SRBD1: variants seen among roughly 807,000 people sequenced by gnomAD.
The protein encoded by SRBD1 is S1 RNA-binding domain-containing protein 1.
Under a neutral mutation model 115.3 loss-of-function variants are expected in SRBD1, and 88 were observed. The observed-to-expected ratio is 0.76, with a 90% confidence interval of 0.64 to 0.91. SRBD1 has a LOEUF of 0.91. Ranked by LOEUF, SRBD1 falls within the 40% of genes least tolerant of loss-of-function variation. The probability of loss-of-function intolerance (pLI) is 0.00; values close to 1 mark genes in which losing one functional copy is unlikely to be tolerated. For missense variants in SRBD1, 1,385 were observed against 1,177.4 expected (o/e 1.18, Z -2.58); for synonymous variants, 509 against 407.7 (o/e 1.25, Z -2.99).
chr2:45,420,751 C>G (rs184969583), intron 16 of SRBD1, among the ~76,000 whole-genome samples: 5,456 of 152,290 alleles, frequency 0.036, 316 homozygotes, highest in African/African-American at 0.13. Flanking sequence ...CTTGATAACG[C>G]AGCATTTCTT....
intron 19 of SRBD1, among the ~76,000 whole-genome samples, chr2:45,405,739 T>C (rs1667416259): frequency 1.2e-5 from 1 of 83,444 alleles, no homozygotes. Context: ...TAGTGTCAAA[T>C]GTGGCAGAAT....
chr2:45,412,804 G>A (rs948047647), intron 19 of SRBD1, among the ~76,000 whole-genome samples: 6 of 152,124 alleles, frequency 3.9e-5, no homozygotes, highest in Non-Finnish European at 5.9e-5. Context: ...CAAGTTTTAT[G>A]CCAGGTGCTA....
chr2:45,432,066 G>A (rs1462671745), intron 16 of SRBD1, among the ~76,000 whole-genome samples: 2 of 151,438 alleles, frequency 1.3e-5, no homozygotes, highest in African/African-American at 4.9e-5. Context: ...GTCTCACCCT[G>A]TCGCCCAGGC....
At chr2:45,582,705 A>T (rs1004547436) in intron 5 of SRBD1, among the ~76,000 whole-genome samples, 2 of 152,140 alleles carry the variant, frequency 1.3e-5, no homozygotes, top group African/African-American at 4.8e-5. Context: ...TTTGACATGT[A>T]TCTGTCATTC....
At chr2:45,453,736 T>C (rs1473544592) in intron 16 of SRBD1, among the ~76,000 whole-genome samples, 1 of 151,954 alleles carries the variant, frequency 6.6e-6, no homozygotes, top group Non-Finnish European at 1.5e-5. Flanking sequence ...TCACTGCAAA[T>C]CTGATGAAAA....
In SRBD1 at chr2:45,397,302, T is replaced by G. The variant is rs537349954; in HGVS notation, c.2514-4173A>C. On this transcript the variant is annotated intron_variant, in intron 19 of 20. Transcript: ENST00000263736. ...CTAAAAATCTGTTACTGTTTCTATA[T>G]TTTCTCTCTATATAACATATATATG... 2.1e-3 allele frequency among the ~76,000 whole-genome samples: 315 copies of G among 152,338 alleles called. 1 individual carries two copies. The highest frequency in any genetic ancestry group is 6.9e-3 in the African/African-American group (287 of 41,590).
intron 16 of SRBD1, among the ~76,000 whole-genome samples, chr2:45,430,065 A>T (rs1212167371): frequency 1.3e-5 from 2 of 152,116 alleles, no homozygotes; most frequent in Admixed American, 1.3e-4. Flanking sequence ...AAATACCTAG[A>T]AATACAACTT....
intron 4 of SRBD1, among the ~76,000 whole-genome samples, chr2:45,592,066 C>G (rs1397682989): frequency 1.3e-5 from 2 of 152,144 alleles, no homozygotes; most frequent in African/African-American, 4.8e-5. Context: ...ATAAGTCTCA[C>G]CAGATCTGAT....
chr2:45,419,715 T>C lies in SRBD1; in HGVS notation c.2156+73A>G, dbSNP rs528973048. 1.3e-4 allele frequency: 179 copies of C among 1,370,642 alleles called. 1 individual carries two copies. The East Asian group carries it at 1.7e-3, about 13-fold the overall frequency. The allele number at this position is 1,370,642 out of a possible 1,614,324, so 84.9% of individuals were successfully genotyped here. A position where few individuals can be genotyped will look rare whatever the true frequency, so the allele number is the denominator to read the frequency against. On this transcript the variant is annotated intron_variant, in intron 17 of 20. Coordinates refer to ENST00000263736, the MANE Select transcript of SRBD1 (RefSeq NM_018079.5). ...ACAACTTTATACACGTGTTCCCTTC[T>C]TCTAGCCGAGTTTGGACTGGACAGC...
intron 19 of SRBD1, among the ~76,000 whole-genome samples, chr2:45,393,970 G>C (rs184650512): frequency 1.3e-5 from 2 of 151,998 alleles, no homozygotes; most frequent in Admixed American, 6.6e-5. Context: ...CTCAAATTCC[G>C]TAACAGTTGA....
intron 19 of SRBD1, among the ~76,000 whole-genome samples, chr2:45,408,036 G>A (rs909512957): frequency 6.6e-6 from 1 of 152,086 alleles, no homozygotes; most frequent in Non-Finnish European, 1.5e-5. Context: ...ACATTTTGAT[G>A]TATTTATGTG....
At chr2:45,472,184 C>G (rs1669669227) in intron 16 of SRBD1, among the ~76,000 whole-genome samples, 1 of 152,134 alleles carries the variant, frequency 6.6e-6, no homozygotes, top group South Asian at 2.1e-4. Context: ...CTGATACATG[C>G]TGCAATGCAG....
At chr2:45,597,112 A>G (rs1304139020) in intron 4 of SRBD1, among the ~76,000 whole-genome samples, 1 of 152,074 alleles carries the variant, frequency 6.6e-6, no homozygotes, top group Non-Finnish European at 1.5e-5. Context: ...AGCCAATCAG[A>G]CTTTCTTCTT....
At chr2:45,583,160 TA>T (rs1673417912) in intron 5 of SRBD1, among the ~76,000 whole-genome samples, 1 of 151,876 alleles carries the variant, frequency 6.6e-6, no homozygotes, top group African/African-American at 2.4e-5. Context: ...GAGATGATAA[TA>T]TGATTTATTC....
At chr2:45,473,103 T>C (rs1669699967) in intron 16 of SRBD1, among the ~76,000 whole-genome samples, 1 of 152,046 alleles carries the variant, frequency 6.6e-6, no homozygotes, top group Non-Finnish European at 1.5e-5. Context: ...TATATTTTGT[T>C]GTTTATTTCC....
chr2:45,424,003 C>T (rs959626877), intron 16 of SRBD1, among the ~76,000 whole-genome samples: 2 of 151,868 alleles, frequency 1.3e-5, no homozygotes, highest in Non-Finnish European at 2.9e-5. Flanking sequence ...ACTTTATTAC[C>T]CTTCCTTCAC....
chr2:45,400,450 G>T (rs1469068110), intron 19 of SRBD1, among the ~76,000 whole-genome samples: 1 of 151,966 alleles, frequency 6.6e-6, no homozygotes, highest in Non-Finnish European at 1.5e-5. Flanking sequence ...TCCTTCATTG[G>T]GTACTAATAG....
Position 45,547,518 on chromosome 2 carries a change from A to G in SRBD1, c.1766+4T>C, listed in dbSNP as rs775664952. On this transcript the variant is annotated splice_donor_region_variant and intron_variant, in intron 13 of 20. Transcript: ENST00000263736. ...TATATTCAAAAGATTACTTATTTTC[A>G]TACTTGAAATTCAGCAAAAGTGTCT... The G allele has an allele frequency of 1.1e-5, 17 of 1,612,826 alleles. No homozygotes were observed. Among genetic ancestry groups the G allele is most frequent in the South Asian group, 2.2e-5 (2 of 90,982 alleles).
chr2:45,540,212 G>A (rs565100678), intron 14 of SRBD1, among the ~76,000 whole-genome samples: 56 of 152,060 alleles, frequency 3.7e-4, no homozygotes, highest in Non-Finnish European at 1.6e-4. Context: ...ATGGTGGCAG[G>A]CGCCTGTAAT....
Sources: gnomAD v4.1 joint callset for allele counts (sites outside exome capture counted in the v4.1 genomes callset) on GRCh38, gnomAD v4.1.1 for gene constraint, MANE v1.5 for transcripts, NCBI Gene and HGNC (gene_info 2026-07-23, HGNC 2026-07-21) for gene names.